The following MDGA2 variants were observed in gnomAD, a reference collection of about 807,000 sequenced individuals.
MDGA2 encodes MAM domain-containing glycosylphosphatidylinositol anchor protein 2.
Under a neutral mutation model 117.8 loss-of-function variants are expected in MDGA2, and 40 were observed. The observed-to-expected ratio is 0.34, with a 90% CI of 0.26 to 0.44. The LOEUF is 0.44. MDGA2 is among the 20% of genes least tolerant of loss of function. The pLI is 1.00. For synonymous variants in MDGA2, 452 were observed against 439.0 expected (o/e 1.03, Z -0.37); for missense variants, 1,123 against 1,250.6 (o/e 0.90, Z 1.54).
chr14:46,844,508 G>A (rs1594989109), intron 16 of MDGA2, among the ~76,000 whole-genome samples: 1 of 152,174 alleles, frequency 6.6e-6, no homozygotes, highest in East Asian at 1.9e-4. Flanking sequence ...TTGAACCCGG[G>A]AGGCGGAGAT....
chr14:47,294,978 T>C (rs931564660), intron 2 of MDGA2, among the ~76,000 whole-genome samples: 1 of 152,196 alleles, frequency 6.6e-6, no homozygotes, highest in Non-Finnish European at 1.5e-5. Context: ...AATTCTATTA[T>C]AAAATTGAAA....
intron 5 of MDGA2, among the ~76,000 whole-genome samples, chr14:47,109,450 A>G (rs1378111783): frequency 6.6e-6 from 1 of 152,188 alleles, no homozygotes; most frequent in Non-Finnish European, 1.5e-5. Context: ...ATTTGCCCCT[A>G]TGCTTTCACT....
At chr14:47,522,544 CAGA>C (rs1417171639) in intron 1 of MDGA2, among the ~76,000 whole-genome samples, 1 of 151,794 alleles carries the variant, frequency 6.6e-6, no homozygotes, top group Non-Finnish European at 1.5e-5. Flanking sequence ...TAGAACAATC[CAGA>C]AGAAGTGAAT....
chr14:47,376,413 C>A (rs1891479265), intron 1 of MDGA2, among the ~76,000 whole-genome samples: 1 of 152,080 alleles, frequency 6.6e-6, no homozygotes, highest in East Asian at 1.9e-4. Flanking sequence ...ATTGTATAAT[C>A]CAACTATTAT....
intron 8 of MDGA2, among the ~76,000 whole-genome samples, chr14:46,988,222 T>C (rs928239043): frequency 6.6e-6 from 1 of 151,828 alleles, no homozygotes; most frequent in Admixed American, 6.6e-5. Flanking sequence ...GATTATTCCA[T>C]AAATTATGAA....
At chr14:47,245,947 TG>T (rs1385534254) in intron 2 of MDGA2, among the ~76,000 whole-genome samples, 1 of 151,778 alleles carries the variant, frequency 6.6e-6, no homozygotes, top group Non-Finnish European at 1.5e-5. Flanking sequence ...CACCTCTTTT[TG>T]CAGACGAAGA....
intron 1 of MDGA2, among the ~76,000 whole-genome samples, chr14:47,417,910 T>G (rs1303942719): frequency 2.0e-5 from 3 of 151,904 alleles, no homozygotes; most frequent in Non-Finnish European, 4.4e-5. Context: ...AGTGGGTTCT[T>G]GCTATATTGC....
chr14:46,907,016 G>T (rs1486595164), intron 10 of MDGA2, among the ~76,000 whole-genome samples: 2 of 119,602 alleles, frequency 1.7e-5, no homozygotes, highest in Non-Finnish European at 3.2e-5. Context: ...TTGCTCTGAC[G>T]CCCAGAGTGG....
intron 8 of MDGA2, among the ~76,000 whole-genome samples, chr14:47,004,955 T>C (rs1227722625): frequency 6.6e-6 from 1 of 151,696 alleles, no homozygotes. Flanking sequence ...TATATTGATA[T>C]CTTATTCTGC....
At chr14:47,388,029 T>C (rs1238311148) in intron 1 of MDGA2, among the ~76,000 whole-genome samples, 1 of 152,324 alleles carries the variant, frequency 6.6e-6, no homozygotes, top group Middle Eastern at 3.4e-3. Context: ...TACTCAGAAA[T>C]CACAGACGAA....
intron 8 of MDGA2, among the ~76,000 whole-genome samples, chr14:47,001,244 C>A (rs1401805529): frequency 1.3e-5 from 2 of 151,472 alleles, no homozygotes; most frequent in Non-Finnish European, 2.9e-5. Flanking sequence ...GACAAGAAAT[C>A]CAGCTGAATA....
intron 10 of MDGA2, among the ~76,000 whole-genome samples, chr14:46,910,273 A>G (rs1022761646): frequency 1.3e-5 from 2 of 151,962 alleles, no homozygotes; most frequent in East Asian, 1.9e-4. Context: ...TGCCACATAT[A>G]TTTCTCTCAA....
intron 10 of MDGA2, among the ~76,000 whole-genome samples, chr14:46,886,446 G>T (rs575742287): frequency 6.6e-6 from 1 of 152,128 alleles, no homozygotes; most frequent in East Asian, 1.9e-4. Context: ...TAAAGAGGAT[G>T]TATAGCTATG....
chr14:47,283,196 G>C (rs1441733308), intron 2 of MDGA2, among the ~76,000 whole-genome samples: 1 of 152,096 alleles, frequency 6.6e-6, no homozygotes, highest in African/African-American at 2.4e-5. Context: ...AAGCAAAAGA[G>C]AGGAAAACAT....
At chr14:47,414,155 G>T (rs1027153308) in intron 1 of MDGA2, among the ~76,000 whole-genome samples, 1 of 152,144 alleles carries the variant, frequency 6.6e-6, no homozygotes, top group Non-Finnish European at 1.5e-5. Flanking sequence ...GTGAAATTGA[G>T]TTATAGCCCT....
intron 2 of MDGA2, among the ~76,000 whole-genome samples, chr14:47,244,602 A>G (rs1392250568): frequency 6.6e-6 from 1 of 151,826 alleles, no homozygotes; most frequent in East Asian, 1.9e-4. Context: ...TCTTGGATCT[A>G]TGTCAATACT....
chr14:47,372,693 C>T (rs1403290256), intron 1 of MDGA2, among the ~76,000 whole-genome samples: 1 of 151,808 alleles, frequency 6.6e-6, no homozygotes, highest in Non-Finnish European at 1.5e-5. Context: ...TTGATTCAGT[C>T]ATCCTAATTT....
At chr14:46,949,967 T>C (rs954810758) in intron 9 of MDGA2, among the ~76,000 whole-genome samples, 1 of 151,890 alleles carries the variant, frequency 6.6e-6, no homozygotes, top group African/African-American at 2.4e-5. Flanking sequence ...ATTAAATGAT[T>C]TTATAATGAA....
At chr14:47,452,624 G>A (rs1231870266) in intron 1 of MDGA2, among the ~76,000 whole-genome samples, 8 of 151,840 alleles carry the variant, frequency 5.3e-5, no homozygotes, top group African/African-American at 1.9e-4. Flanking sequence ...CAACAGAAAT[G>A]ACCAGTGGTC....
Sources: allele counts gnomAD v4.1 joint callset (sites outside exome capture counted in the v4.1 genomes callset), GRCh38; gene constraint gnomAD v4.1.1; transcripts MANE v1.5; gene names NCBI Gene and HGNC (gene_info 2026-07-23, HGNC 2026-07-21).